Variants in KALRN observed in about 807,000 individuals in gnomAD.
KALRN encodes the protein kalirin RhoGEF kinase, also known as kalirin.
In KALRN, 70 loss-of-function variants were observed where a neutral mutation model predicts 353.7. That is an observed-to-expected ratio of 0.20 (90% confidence interval 0.16 to 0.24). The LOEUF is 0.24. KALRN is among the 10% of genes least tolerant of loss of function. KALRN has a pLI of 1.00. For synonymous variants in KALRN, 1,391 were observed against 1,434.8 expected (o/e 0.97, Z 0.69); for missense variants, 2,791 against 3,756.7 (o/e 0.74, Z 6.72).
In KALRN at chr3:124,091,682, T is replaced by A. The variant is rs2061127051; in HGVS notation, c.73+57869T>A. ...TGGGCTGTTGCTGGCCTGGTGTCAC[T>A]GCCTGTCCCTGGAAAACATGTCTCT... On this transcript the variant is annotated intron_variant, in intron 1 of 59. Transcript: ENST00000682506. 2.6e-5 allele frequency among the ~76,000 whole-genome samples: 4 copies of A among 152,176 alleles called. No individual in the cohort carries two copies. The South Asian group carries it at 8.3e-4, about 32-fold the overall frequency.
intron 33 of KALRN, among the ~76,000 whole-genome samples, chr3:124,531,124 T>G (rs897026485): frequency 6.6e-6 from 1 of 152,154 alleles, no homozygotes; most frequent in East Asian, 1.9e-4. Flanking sequence ...ACTCCCACAA[T>G]TAAATGCTCC....
intron 10 of KALRN, among the ~76,000 whole-genome samples, chr3:124,365,771 C>T (rs1003788672): frequency 6.6e-6 from 1 of 152,238 alleles, no homozygotes; most frequent in Non-Finnish European, 1.5e-5. Flanking sequence ...GCCTGTCATT[C>T]TGTGCTGCTG....
intron 1 of KALRN, among the ~76,000 whole-genome samples, chr3:124,084,629 T>C (rs141145792): frequency 9.5e-4 from 145 of 152,368 alleles, no homozygotes; most frequent in African/African-American, 3.1e-3. Context: ...GCCCAAGTAC[T>C]AGCTTTGTTT....
In KALRN at chr3:124,720,752, G is replaced by A. The variant is rs947471214; in HGVS notation, c.*1282G>A. ...TTTCTGGTGTATATTCTCCATACAA[G>A]ATTATTATTAACTGCTCTTTTTCCC... On this transcript the variant is annotated 3_prime_UTR_variant, in exon 60 of 60. Coordinates refer to ENST00000682506, the MANE Select transcript of KALRN (RefSeq NM_001388419.1). The A allele has an allele frequency of 6.6e-6, 1 of 152,148 alleles. No homozygotes were observed. The highest frequency in any genetic ancestry group is 2.4e-5 in the African/African-American group (1 of 41,400). The allele number at this position is 152,148 out of a possible 1,614,324, so 9.4% of individuals were successfully genotyped here.
In KALRN at chr3:124,334,225, C is replaced by T; in HGVS notation, c.1417-40C>T. On this transcript the variant is annotated intron_variant, in intron 8 of 59. Coordinates refer to ENST00000682506, the MANE Select transcript of KALRN (RefSeq NM_001388419.1). This position sits in a 1 kb window ranked among gnomAD's most constrained non-coding sequence, Gnocchi z 4.2. ...CTGCTTCTCTCTGTGCCCTGCCTAT[C>T]ACCCTTTTCCCTTAACTTAAACTTC... is the stretch of plus-strand genomic sequence containing the variant. The T allele has an allele frequency of 6.5e-7, 1 of 1,545,688 alleles. No homozygotes were observed. Among genetic ancestry groups the T allele is most frequent in the Non-Finnish European group, 8.9e-7 (1 of 1,117,870 alleles).
chr3:124,466,550 T>C (rs1314269935), intron 25 of KALRN, among the ~76,000 whole-genome samples: 1 of 152,218 alleles, frequency 6.6e-6, no homozygotes, highest in Non-Finnish European at 1.5e-5. Context: ...GCTCATCACC[T>C]TCTGTTAAAT....
At position 124,671,812 on chromosome 3, in the gene KALRN, C is replaced by T. The variant is rs775150045; in HGVS notation, c.6856C>T (p.Pro2286Ser). The change falls in exon 48 of 60, where the codon CCT becomes TCT. Residue 2286 changes from proline (P) to serine (S), a missense_variant. Pro to Ser is a moderately conservative substitution (Grantham distance 74). Transcript: ENST00000682506. ...KPPKGSSYNP[P>S]LPPLKISTSN... ...CCCAAAGGGCTCCAGCTATAACCCACCTCTGCCTCCCCTGAAGATATCTAC... is the reference window on the plus strand; with the variant it reads ...CCCAAAGGGCTCCAGCTATAACCCATCTCTGCCTCCCCTGAAGATATCTAC... The T allele has an allele frequency of 1.2e-6, 2 of 1,614,260 alleles. No homozygotes were observed. Among genetic ancestry groups the T allele is most frequent in the Non-Finnish European group, 1.7e-6 (2 of 1,180,040 alleles).
chr3:124,663,278 T>G (rs1020536981), intron 45 of KALRN, among the ~76,000 whole-genome samples: 2 of 152,176 alleles, frequency 1.3e-5, no homozygotes, highest in Non-Finnish European at 2.9e-5. Flanking sequence ...ACATCAGTCA[T>G]ATTCTATTAG....
chr3:124,443,312 G>A lies in KALRN; in HGVS notation c.3313+1253G>A, dbSNP rs545645552. ...GAGAAATATAACTCTGGAGTCCGAG[G>A]CTAGGAATGGAACCCAAGCCGACTT... On this transcript the variant is annotated intron_variant, in intron 19 of 59. Transcript: ENST00000682506. Among the ~76,000 whole-genome samples, 9 of 152,368 alleles carry A rather than the reference G, an allele frequency of 5.9e-5. No homozygotes were observed. The South Asian group carries it at 1.7e-3, about 28-fold the overall frequency.
intron 10 of KALRN, among the ~76,000 whole-genome samples, chr3:124,351,443 G>A (rs942648085): frequency 5.9e-5 from 9 of 152,128 alleles, no homozygotes; most frequent in Non-Finnish European, 1.3e-4. Flanking sequence ...AATGAGAAAG[G>A]AATTCTGAGC....
rs575701894 is a variant in KALRN, at chr3:124,330,988, G to A, written c.1416+996G>A. On this transcript the variant is annotated intron_variant, in intron 8 of 59. Coordinates refer to ENST00000682506, the MANE Select transcript of KALRN (RefSeq NM_001388419.1). ...GCACATTGAAGTCTAAGAACCAATG[G>A]CTCCTAGGTAAGAGTAAGGGTTTTT... Among the ~76,000 whole-genome samples the A allele has an allele frequency of 3.7e-4, 56 of 152,250 alleles. 1 individual carries two copies. In the South Asian group the frequency reaches 4.4e-3, roughly 12 times the overall value.
intron 1 of KALRN, among the ~76,000 whole-genome samples, chr3:124,198,192 G>T (rs1162610681): frequency 6.6e-6 from 1 of 152,172 alleles, no homozygotes. Context: ...ACTCCTAGAG[G>T]TCATCTAACC....
At chr3:124,286,681 T>C in intron 5 of KALRN, among the ~76,000 whole-genome samples, 1 of 152,258 alleles carries the variant, frequency 6.6e-6, no homozygotes, top group East Asian at 1.9e-4. Flanking sequence ...AGAATGTTCA[T>C]ACAATTCTTT....
At chr3:124,225,326 T>A (rs1286752255) in intron 1 of KALRN, among the ~76,000 whole-genome samples, 1 of 152,218 alleles carries the variant, frequency 6.6e-6, no homozygotes, top group Admixed American at 6.5e-5. Context: ...GAACTTTATT[T>A]GAAGAGACTC....
chr3:124,360,350 G>A (rs2083893613), intron 10 of KALRN, among the ~76,000 whole-genome samples: 2 of 152,232 alleles, frequency 1.3e-5, no homozygotes, highest in Non-Finnish European at 2.9e-5. Flanking sequence ...TCCATTTGGT[G>A]TATGTCACTG....
intron 9 of KALRN, among the ~76,000 whole-genome samples, chr3:124,346,688 A>T (rs1163571421): frequency 6.6e-6 from 1 of 152,176 alleles, no homozygotes; most frequent in Non-Finnish European, 1.5e-5. Context: ...ACAATGAGGC[A>T]GGATCCCCAT....
chr3:124,356,185 A>T (rs561377066), intron 10 of KALRN, among the ~76,000 whole-genome samples: 1 of 151,948 alleles, frequency 6.6e-6, no homozygotes, highest in South Asian at 2.1e-4. Context: ...GACCCCTGCC[A>T]TTGGCTTTTG....
At chr3:124,604,151 TTTTA>T (rs74269404) in intron 34 of KALRN, among the ~76,000 whole-genome samples, 5 of 138,616 alleles carry the variant, frequency 3.6e-5, no homozygotes, top group South Asian at 2.2e-4. Context: ...CGTTTTTTTT[TTTTA>T]AATTTATTAT....
chr3:124,521,783 A>G (rs527789818), intron 33 of KALRN, among the ~76,000 whole-genome samples: 2 of 152,294 alleles, frequency 1.3e-5, no homozygotes, highest in African/African-American at 4.8e-5. Context: ...ACACTGACTA[A>G]TAAGGGTGCT....
Sources: allele counts gnomAD v4.1 joint callset (sites outside exome capture counted in the v4.1 genomes callset), GRCh38; gene constraint gnomAD v4.1.1; non-coding constraint Gnocchi (gnomAD v3.1); transcripts MANE v1.5; gene names NCBI Gene and HGNC (gene_info 2026-07-23, HGNC 2026-07-21).